DAB2IP: variants seen among roughly 807,000 people sequenced by gnomAD.
The protein encoded by DAB2IP is DAB2 interacting protein, also known as disabled homolog 2-interacting protein.
In DAB2IP, 28 loss-of-function variants were observed where a neutral mutation model predicts 107.2. The observed-to-expected ratio is 0.26, with a 90% CI of 0.19 to 0.36. DAB2IP has a LOEUF of 0.36. Among genes scored for constraint, DAB2IP ranks in the 10% least tolerant of loss-of-function variants. The probability of loss-of-function intolerance (pLI) is 1.00; values close to 1 mark genes in which losing one functional copy is unlikely to be tolerated. For missense variants in DAB2IP, 1,400 were observed against 1,644.7 expected (o/e 0.85, Z 2.57); for synonymous variants, 755 against 706.4 (o/e 1.07, Z -1.09).
intron 13 of DAB2IP, 64 bp downstream of exon 13, chr9:121,774,476 G>T: frequency 6.7e-7 from 1 of 1,500,760 alleles, no homozygotes; most frequent in Non-Finnish European, 8.9e-7. Flanking sequence ...GCTGGTAGGA[G>T]TCTCTCCCCC....
intron 1 of DAB2IP, among the ~76,000 whole-genome samples, chr9:121,570,224 C>G (rs1035519333): frequency 6.6e-6 from 1 of 151,168 alleles, no homozygotes; most frequent in South Asian, 2.1e-4. Context: ...TCCATCCTCC[C>G]ACCTCAGCCT....
At chr9:121,640,039 A>G (rs1476973116) in intron 1 of DAB2IP, among the ~76,000 whole-genome samples, 1 of 152,178 alleles carries the variant, frequency 6.6e-6, no homozygotes, top group Non-Finnish European at 1.5e-5. Context: ...CATCAGGGGA[A>G]CAGGGGCCCA....
At chr9:121,672,225 A>T (rs1057186196) in intron 1 of DAB2IP, among the ~76,000 whole-genome samples, 4 of 152,220 alleles carry the variant, frequency 2.6e-5, no homozygotes, top group African/African-American at 9.6e-5. Context: ...ACTGCCGAGG[A>T]CACAGGGACA....
At chr9:121,742,534 CAG>C (rs1832428888) in intron 3 of DAB2IP, among the ~76,000 whole-genome samples, 1 of 152,240 alleles carries the variant, frequency 6.6e-6, no homozygotes, top group Non-Finnish European at 1.5e-5. Flanking sequence ...TGCTGAGACG[CAG>C]ACAGTCCAGT....
chr9:121,747,451 C>G (rs960887922), intron 3 of DAB2IP, among the ~76,000 whole-genome samples: 4 of 151,858 alleles, frequency 2.6e-5, no homozygotes, highest in African/African-American at 9.7e-5. Flanking sequence ...AGGTTCACAC[C>G]ATTCTCCTGC....
intron 1 of DAB2IP, among the ~76,000 whole-genome samples, chr9:121,645,813 C>T (rs990932880): frequency 1.3e-5 from 2 of 152,166 alleles, no homozygotes; most frequent in African/African-American, 2.4e-5. Flanking sequence ...ACGAGGGAGA[C>T]GTGCATGTCC....
chr9:121,679,820 T>A (rs971269500), intron 2 of DAB2IP, among the ~76,000 whole-genome samples: 1 of 151,904 alleles, frequency 6.6e-6, no homozygotes, highest in Non-Finnish European at 1.5e-5. Context: ...GAGCTGCATC[T>A]TGAAGGGTCC....
At chr9:121,761,051 G>C (rs1833850673) in intron 6 of DAB2IP, among the ~76,000 whole-genome samples, 1 of 152,180 alleles carries the variant, frequency 6.6e-6, no homozygotes, top group Non-Finnish European at 1.5e-5. Context: ...CAGGGCCAGA[G>C]GTGCTCAATG....
intron 5 of DAB2IP, among the ~76,000 whole-genome samples, chr9:121,759,349 G>A (rs1833721776): frequency 6.6e-6 from 1 of 152,134 alleles, no homozygotes; most frequent in African/African-American, 2.4e-5. Context: ...CCCTCCTCCA[G>A]GTGAGGACCC....
At chr9:121,614,627 C>T (rs1831209674) in intron 1 of DAB2IP, among the ~76,000 whole-genome samples, 1 of 152,072 alleles carries the variant, frequency 6.6e-6, no homozygotes. Flanking sequence ...GCGTGAGCCA[C>T]TGCGCCCGGC....
intron 2 of DAB2IP, among the ~76,000 whole-genome samples, chr9:121,693,706 C>G (rs1397049560): frequency 1.3e-5 from 2 of 152,186 alleles, no homozygotes; most frequent in African/African-American, 4.8e-5. Context: ...GGCCCACATG[C>G]CCATCTGCAG....
At chr9:121,580,202 T>C (rs1264933246) in intron 1 of DAB2IP, among the ~76,000 whole-genome samples, 2 of 152,186 alleles carry the variant, frequency 1.3e-5, no homozygotes, top group African/African-American at 4.8e-5. Context: ...TTTTAATTTG[T>C]GCCTTCTCTG....
chr9:121,688,304 A>G (rs2118673042), intron 2 of DAB2IP, among the ~76,000 whole-genome samples: 1 of 152,374 alleles, frequency 6.6e-6, no homozygotes, highest in Admixed American at 6.5e-5. Flanking sequence ...TGGAGGTGGC[A>G]GCAGTGACAT....
intron 2 of DAB2IP, among the ~76,000 whole-genome samples, chr9:121,681,186 G>A (rs549719464): frequency 6.6e-6 from 1 of 151,980 alleles, no homozygotes; most frequent in African/African-American, 2.4e-5. Context: ...ACCAAGATTC[G>A]ACCCCAGGTC....
Position 121,572,785 on chromosome 9 carries a change from C to T in DAB2IP, c.40+5557C>T, listed in dbSNP as rs520533. On this transcript the variant is annotated intron_variant, in intron 1 of 16. Coordinates refer to the DAB2IP transcript ENST00000259371. ...GGGGAGTCTGTGACTCGTACAGGAGCGGGGGTTGGGCTCAGACAGCCCGCT... is the reference window on the plus strand; with the variant it reads ...GGGGAGTCTGTGACTCGTACAGGAGTGGGGGTTGGGCTCAGACAGCCCGCT... Among the ~76,000 whole-genome samples the T allele has an allele frequency of 6.1e-4, 93 of 151,652 alleles. 3 individuals are homozygous for T. Among genetic ancestry groups the T allele is most frequent in the African/African-American group, 2.1e-3 (86 of 41,302 alleles).
At chr9:121,567,130 C>T (rs953347463) in exon 1 of DAB2IP, 65 of 1,610,656 alleles carry the variant, frequency 4.0e-5, no homozygotes, top group South Asian at 2.4e-4. Flanking sequence ...CCCAGACGCT[C>T]ATGGAGACAG....
chr9:121,746,347 GA>G (rs1286319230), intron 3 of DAB2IP, among the ~76,000 whole-genome samples: 3 of 152,208 alleles, frequency 2.0e-5, no homozygotes, highest in African/African-American at 7.2e-5. Flanking sequence ...CTGTTTTCCA[GA>G]TGAGAAAACT....
At position 121,698,454 on chromosome 9, in the gene DAB2IP, C is replaced by G. The variant is rs963813088; in HGVS notation, c.229-871C>G. ...GATGGGGGAGGTGGGGGATTAAGCT[C>G]TGTTTTCAGTCAGTGCAACCTGTTA... On this transcript the variant is annotated intron_variant, in intron 2 of 15. Coordinates refer to ENST00000408936, the Ensembl canonical transcript of DAB2IP. This position sits in a 1 kb window ranked among gnomAD's most constrained non-coding sequence, Gnocchi z 4.1. 1.3e-5 allele frequency among the ~76,000 whole-genome samples: 2 copies of G among 152,204 alleles called. No homozygotes were observed. The highest frequency in any genetic ancestry group is 1.3e-4 in the Admixed American group (2 of 15,288).
At chr9:121,658,487 G>A (rs995388748) in intron 1 of DAB2IP, among the ~76,000 whole-genome samples, 2 of 152,176 alleles carry the variant, frequency 1.3e-5, no homozygotes, top group African/African-American at 2.4e-5. Flanking sequence ...TAGGAGTGGC[G>A]GGGTGGCTAT....
Sources: allele counts gnomAD v4.1 joint callset (sites outside exome capture counted in the v4.1 genomes callset), GRCh38; gene constraint gnomAD v4.1.1; non-coding constraint Gnocchi (gnomAD v3.1); transcripts MANE v1.5; gene names NCBI Gene and HGNC (gene_info 2026-07-23, HGNC 2026-07-21).